SCAP: variants seen among roughly 807,000 people sequenced by gnomAD.
SCAP encodes SREBF chaperone.
In SCAP, 65 loss-of-function variants were observed where a neutral mutation model predicts 123.6. The observed-to-expected ratio is 0.53, with a 90% CI of 0.43 to 0.65. The LOEUF is 0.65. Among genes scored for constraint, SCAP ranks in the 30% least tolerant of loss-of-function variants. SCAP has a pLI of 0.00. For missense variants in SCAP, 1,398 were observed against 1,712.5 expected, an observed-to-expected ratio of 0.82 and a Z score of 3.24; for synonymous variants, 740 against 726.3, an observed-to-expected ratio of 1.02 and a Z score of -0.30.
rs183472881 is a variant in SCAP, at chr3:47,428,559, C to T, written c.364G>A (p.Ala122Thr). 2 of 1,614,152 alleles carry T rather than the reference C, an allele frequency of 1.2e-6. No homozygotes were observed. Among genetic ancestry groups the T allele is most frequent in the Non-Finnish European group, 1.7e-6 (2 of 1,180,030 alleles). Reference protein sequence around the residue: ...VDVFRSPLSRAFQLVEEIRNH... With the variant: ...VDVFRSPLSRTFQLVEEIRNH... The stretch of plus-strand genomic sequence containing the variant: ...CGGATCTCCTCCACCAGTTGGAATG[C>T]CCGGGACAAAGGTGAACGAAATACA... The change falls in exon 4 of 23, where the codon GCA becomes ACA. Residue 122 changes from alanine (A) to threonine (T), a missense_variant. Physicochemically the swap from Ala to Thr is moderately conservative, Grantham distance 58. Coordinates refer to ENST00000265565, the MANE Select transcript of SCAP (RefSeq NM_012235.4).
At chr3:47,444,106 C>T (rs1339881437) in intron 1 of SCAP, among the ~76,000 whole-genome samples, 2 of 152,128 alleles carry the variant, frequency 1.3e-5, no homozygotes, top group African/African-American at 4.8e-5. Flanking sequence ...ATTTCTGGTG[C>T]TTTCAAACAA....
intron 1 of SCAP, among the ~76,000 whole-genome samples, chr3:47,471,514 C>T (rs905549353): frequency 1.1e-4 from 17 of 152,082 alleles, no homozygotes; most frequent in African/African-American, 3.1e-4. Context: ...ATACTACAGG[C>T]GCATGCCACC....
rs766803939 is a variant in SCAP at position 47,434,998 on chromosome 3, G to C, written c.252+10C>G. Reference sequence around the variant, plus strand: ...TCTGTGCTGGCCTCAGGAACATGACGAGTACCCACCCACTCAGGCTGCTCA... The same window carrying C: ...TCTGTGCTGGCCTCAGGAACATGACCAGTACCCACCCACTCAGGCTGCTCA... On this transcript the variant is annotated intron_variant, in intron 3 of 22. Transcript: ENST00000265565. 3.1e-6 allele frequency: 5 copies of C among 1,613,944 alleles called. No individual in the cohort carries two copies. The highest frequency in any genetic ancestry group is 4.2e-6 in the Non-Finnish European group (5 of 1,179,976).
intron 21 of SCAP, 93 bp from the exon 22 acceptor site, chr3:47,414,479 G>T: frequency 6.3e-7 from 1 of 1,598,124 alleles, no homozygotes; most frequent in Non-Finnish European, 8.6e-7. Flanking sequence ...GGCCCTGACT[G>T]CTTCCTGGAA....
At chr3:47,442,745 A>G (rs1706854122) in intron 2 of SCAP, 127 bp downstream of exon 2, 1 of 790,402 alleles carries the variant, frequency 1.3e-6, no homozygotes, top group African/African-American at 1.7e-5. Flanking sequence ...ACTCACAGTT[A>G]TAAGGAGCCC....
intron 1 of SCAP, among the ~76,000 whole-genome samples, chr3:47,444,251 G>A (rs989448360): frequency 6.6e-6 from 1 of 151,902 alleles, no homozygotes; most frequent in Non-Finnish European, 1.5e-5. Context: ...TGTTTTCTTC[G>A]GTCTGTGCTA....
rs371191984 is a variant in SCAP, at chr3:47,456,362, T to G, written c.-98-13271A>C. On this transcript the variant is annotated intron_variant, in intron 1 of 22. Coordinates refer to ENST00000265565, the MANE Select transcript of SCAP (RefSeq NM_012235.4). ...AGGCTGTAGTGAGCCATGATCACACTACTGTGCTCCAGTATGGGCAACAGA... is the reference window on the plus strand; with the variant it reads ...AGGCTGTAGTGAGCCATGATCACACGACTGTGCTCCAGTATGGGCAACAGA... Among the ~76,000 whole-genome samples the G allele has an allele frequency of 2.8e-4, 43 of 152,232 alleles. No homozygotes were observed. In the East Asian group the frequency reaches 8.1e-3, roughly 29 times the overall value.
chr3:47,425,971 C>G, intron 7 of SCAP, 26 bp downstream of exon 7: 1 of 1,613,246 alleles, frequency 6.2e-7, no homozygotes, highest in Non-Finnish European at 8.5e-7. Context: ...TGGAGAAAGC[C>G]CTCAGCCTCC....
chr3:47,473,094 A>AAAAAAAAAAC, intron 1 of SCAP, among the ~76,000 whole-genome samples: 1 of 147,120 alleles, frequency 6.8e-6, no homozygotes, highest in Non-Finnish European at 1.5e-5. Flanking sequence ...AAAAAAAAAA[A>AAAAAAAAAAC]AAAAACAGAC....
At chr3:47,447,415 C>T (rs891273080) in intron 1 of SCAP, among the ~76,000 whole-genome samples, 15 of 152,044 alleles carry the variant, frequency 9.9e-5, no homozygotes, top group Admixed American at 8.5e-4. Flanking sequence ...AAAGGCCAGG[C>T]GCGGTGGCTC....
intron 1 of SCAP, among the ~76,000 whole-genome samples, chr3:47,462,871 C>T (rs1371837732): frequency 1.3e-5 from 2 of 152,034 alleles, no homozygotes; most frequent in African/African-American, 4.8e-5. Flanking sequence ...AGCCTCCCTT[C>T]CTGCTTCCCC....
intron 1 of SCAP, among the ~76,000 whole-genome samples, chr3:47,445,462 G>C (rs993461179): frequency 6.6e-6 from 1 of 151,792 alleles, no homozygotes; most frequent in Admixed American, 6.6e-5. Context: ...TGGCCAGGCT[G>C]CTCTCGAACT....
chr3:47,466,048 G>A (rs1267198250), intron 1 of SCAP, among the ~76,000 whole-genome samples: 2 of 150,084 alleles, frequency 1.3e-5, no homozygotes, highest in African/African-American at 4.9e-5. Flanking sequence ...CAGGAGAATC[G>A]CTTGAACCCA....
At chr3:47,460,089 G>A (rs1244182257) in intron 1 of SCAP, among the ~76,000 whole-genome samples, 1 of 152,130 alleles carries the variant, frequency 6.6e-6, no homozygotes, top group Non-Finnish European at 1.5e-5. Flanking sequence ...GCTCTATTCT[G>A]CCAGACCCCA....
In SCAP at chr3:47,419,179, GCTGCCTAAACCACCAGT is replaced by G; in HGVS notation, c.1940+132_1940+148del. 8.9e-7 allele frequency: 1 copy of G among 1,127,276 alleles called. No homozygotes were observed. Among genetic ancestry groups the G allele is most frequent in the South Asian group, 1.6e-5 (1 of 60,882 alleles). 69.8% of individuals were successfully genotyped at this position (1,127,276 alleles called of 1,614,324 possible). A position where few individuals can be genotyped will look rare whatever the true frequency, so the allele number is the denominator to read the frequency against. ...CCTGGGACTCCTCTCTTGGGTTATA[GCTGCCTAAACCACCAGT>G]TCCCACCTCACAACCTTATGAACTG... is the stretch of plus-strand genomic sequence containing the variant. On this transcript the variant is annotated intron_variant, in intron 13 of 22. Transcript: ENST00000265565. The surrounding 1 kb of genome is among the most constrained non-coding windows in gnomAD (Gnocchi z 5.0).
At position 47,417,326 on chromosome 3, in the gene SCAP, C is replaced by T. The variant is rs1559537534; in HGVS notation, c.2948G>A (p.Gly983Glu). 1 of 1,612,198 alleles carries T rather than the reference C, an allele frequency of 6.2e-7. No individual in the cohort carries two copies. The highest frequency in any genetic ancestry group is 8.5e-7 in the Non-Finnish European group (1 of 1,179,734). The change falls in exon 17 of 23, where the codon GGG becomes GAG. Residue 983 changes from glycine to glutamate, a missense_variant. Around this residue, in one of 7 missense-constraint regions of SCAP, gnomAD observed 828 missense variants for 882.5 expected, o/e 0.94. Coordinates refer to ENST00000265565, the MANE Select transcript of SCAP (RefSeq NM_012235.4). Reference sequence around the variant, plus strand: ...CACCTCCAGCCGGCCGCTGCTCCGCCCCACCACGATGAGGTTGCCCTGCAG... The same window carrying T: ...CACCTCCAGCCGGCCGCTGCTCCGCTCCACCACGATGAGGTTGCCCTGCAG... The part of the protein sequence containing the change: ...LELQGNLIVV[G>E]RSSGRLEVWD...
Position 47,418,262 on chromosome 3 carries a change from G to A in SCAP, c.2332-13C>T, listed in dbSNP as rs748621732. The A allele has an allele frequency of 7.1e-5, 110 of 1,558,976 alleles. No individual in the cohort carries two copies. The Middle Eastern group carries it at 8.3e-4, about 12-fold the overall frequency. ...GGCACTCGATGTCCTGCAGAAGCCC[G>A]GTGTTGGTATGGGCCAGGCTCCGGC... is the stretch of plus-strand genomic sequence containing the variant. On this transcript the variant is annotated splice_polypyrimidine_tract_variant and intron_variant, in intron 15 of 22. Transcript: ENST00000265565.
Position 47,418,731 on chromosome 3 carries a change from T to C in SCAP, c.2053A>G (p.Ile685Val). ...GRSAWPPPGP[I>V]PAGHWEAGPK... Reference sequence around the variant, plus strand: ...CCTGCTTCCCAGTGCCCAGCAGGTATGGGCCCCGGTGGGGGCCAGGCACTG... The same window carrying C: ...CCTGCTTCCCAGTGCCCAGCAGGTACGGGCCCCGGTGGGGGCCAGGCACTG... The change falls in exon 14 of 23, where the codon ATA becomes GTA. Residue 685 changes from isoleucine to valine, a missense_variant. Transcript: ENST00000265565. The C allele has an allele frequency of 6.2e-7, 1 of 1,602,364 alleles. No homozygotes were observed. Among genetic ancestry groups the C allele is most frequent in the Non-Finnish European group, 8.5e-7 (1 of 1,176,018 alleles).
chr3:47,422,053 C>T lies in SCAP; in HGVS notation c.1245+389G>A, dbSNP rs574531016. 3.7e-4 allele frequency among the ~76,000 whole-genome samples: 57 copies of T among 152,398 alleles called. 1 individual carries two copies. Among genetic ancestry groups the T allele is most frequent in the African/African-American group, 1.3e-3 (56 of 41,602 alleles). ...GAGACCGGAGGAAGGGTCTAGGAAC[C>T]CCACGGTGCTTCTCCCTCAAAAATG... is the stretch of plus-strand genomic sequence containing the variant. On this transcript the variant is annotated intron_variant, in intron 10 of 22. Coordinates refer to ENST00000265565, the MANE Select transcript of SCAP (RefSeq NM_012235.4).
Sources: gnomAD v4.1 joint callset for allele counts (sites outside exome capture counted in the v4.1 genomes callset) on GRCh38, gnomAD v4.1.1 for gene constraint, gnomAD v4.1.1 regional missense constraint, Gnocchi (gnomAD v3.1) non-coding constraint, MANE v1.5 for transcripts, NCBI Gene and HGNC (gene_info 2026-07-23, HGNC 2026-07-21) for gene names.